VWF: variants seen among roughly 807,000 people sequenced by gnomAD.
The protein encoded by VWF is Factor VIII related antigen.
In VWF, 176 loss-of-function variants were observed where a neutral mutation model predicts 308.6. That is an observed-to-expected ratio of 0.57 (90% confidence interval 0.50 to 0.65). VWF has a LOEUF of 0.65. Among genes scored for constraint, VWF ranks in the 30% least tolerant of loss-of-function variants. The pLI, the probability that VWF is intolerant of heterozygous loss-of-function variation, is 0.00. For missense variants in VWF, 3,146 were observed against 3,648.2 expected (o/e 0.86, Z 3.55); for synonymous variants, 1,385 against 1,443.4 (o/e 0.96, Z 0.92).
intron 6 of VWF, among the ~76,000 whole-genome samples, chr12:6,087,484 G>A (rs1395942268): frequency 5.6e-5 from 8 of 143,312 alleles, no homozygotes; most frequent in African/African-American, 1.3e-4. Context: ...TCAGCCTCCC[G>A]AGTAGCTGGG....
Position 5,964,250 on chromosome 12 carries a change from G to GCATGCATA in VWF, c.7887+3235_7887+3236insTATGCATG, listed in dbSNP as rs1343427840. ...TACATACATACATACATACATACAT[G>GCATGCATA]CATACATACATACATACATACATGC... is the stretch of plus-strand genomic sequence containing the variant. On this transcript the variant is annotated intron_variant, in intron 47 of 51. Coordinates refer to ENST00000261405, the MANE Select transcript of VWF (RefSeq NM_000552.5). Among the ~76,000 whole-genome samples, 175 of 122,406 alleles carry GCATGCATA rather than the reference G, an allele frequency of 1.4e-3. 2 individuals carry two copies. Among genetic ancestry groups the GCATGCATA allele is most frequent in the African/African-American group, 6.2e-3 (169 of 27,406 alleles). 80.3% of individuals were successfully genotyped at this position (122,406 alleles called of 152,430 possible). A position where few individuals can be genotyped will look rare whatever the true frequency, so the allele number is the denominator to read the frequency against.
In VWF at chr12:6,117,141, A is replaced by G. The variant is rs74337548; in HGVS notation, c.220+4033T>C. On this transcript the variant is annotated intron_variant, in intron 3 of 51. Transcript: ENST00000261405. The stretch of plus-strand genomic sequence containing the variant: ...GGTGAAAATGAAATCAATTTACATT[A>G]AAGTGTGTTTGATCCATAACCTTGT... Among the ~76,000 whole-genome samples the G allele has an allele frequency of 4.2e-3, 638 of 152,348 alleles. 5 individuals carry two copies. The highest frequency in any genetic ancestry group is 0.015 in the African/African-American group (625 of 41,596).
chr12:6,051,039 C>CTACGGTTAA (rs75336349), intron 16 of VWF, among the ~76,000 whole-genome samples: 81,421 of 151,442 alleles, frequency 0.54, 22,462 homozygotes, highest in East Asian at 0.7. Context: ...AATAATGGTA[C>CTACGGTTAA]CTTTACTTTT....
intron 5 of VWF, among the ~76,000 whole-genome samples, chr12:6,100,155 C>T (rs1352961510): frequency 6.6e-6 from 1 of 152,052 alleles, no homozygotes; most frequent in African/African-American, 2.4e-5. Flanking sequence ...CTCATCATCA[C>T]TGGCCATCAG....
chr12:6,003,822 T>TC (rs1302634990), intron 34 of VWF, among the ~76,000 whole-genome samples: 2 of 148,104 alleles, frequency 1.4e-5, no homozygotes, highest in Middle Eastern at 3.2e-3. Context: ...CTCTTTTTTT[T>TC]TTTTTTTTTT....
At chr12:5,956,308 G>C (rs1375194274) in intron 47 of VWF, among the ~76,000 whole-genome samples, 2 of 152,108 alleles carry the variant, frequency 1.3e-5, no homozygotes, top group Non-Finnish European at 1.5e-5. Flanking sequence ...AAACAGCCTC[G>C]GGTAGGTCCT....
At chr12:6,076,281 G>C (rs1944843574) in intron 6 of VWF, among the ~76,000 whole-genome samples, 1 of 152,138 alleles carries the variant, frequency 6.6e-6, no homozygotes, top group South Asian at 2.1e-4. Flanking sequence ...TCACTCACGA[G>C]TATCAACGAC....
rs202132224 is a variant in VWF at position 6,013,663 on chromosome 12, A to G, written c.5456-18T>C. The G allele has an allele frequency of 6.2e-7, 1 of 1,612,386 alleles. No homozygotes were observed. The highest frequency in any genetic ancestry group is 1.7e-5 in the Admixed American group (1 of 60,022). ...TGTCACTCCTAGAGTTAGCAAAGAG[A>G]CAAGAAAGGATCTGTGGGCAAGAAG... On this transcript the variant is annotated intron_variant, in intron 31 of 51. Coordinates refer to ENST00000261405, the MANE Select transcript of VWF (RefSeq NM_000552.5).
At chr12:5,958,943 C>T (rs533419632) in intron 47 of VWF, among the ~76,000 whole-genome samples, 6 of 151,884 alleles carry the variant, frequency 4.0e-5, no homozygotes, top group African/African-American at 7.2e-5. Flanking sequence ...TGGCTGGGTG[C>T]GGTGGCTCAC....
chr12:6,068,948 C>T (rs1395569148), intron 10 of VWF, among the ~76,000 whole-genome samples: 1 of 150,902 alleles, frequency 6.6e-6, no homozygotes, highest in East Asian at 2.0e-4. Context: ...CCTTAATCTC[C>T]CAGGCTCAAG....
At chr12:6,102,155 C>G (rs541494057) in intron 5 of VWF, among the ~76,000 whole-genome samples, 82 of 152,246 alleles carry the variant, frequency 5.4e-4, no homozygotes, top group South Asian at 1.2e-3. Flanking sequence ...AAAACCATTA[C>G]AGTCAGCTGG....
Position 6,018,874 on chromosome 12 carries a change from T to C in VWF, c.4544A>G (p.Asn1515Ser), listed in dbSNP as rs1252153468. Reference sequence around the variant, plus strand: ...CTCCTCCATGAACTCCTTGCTCCTGTTGAAGTCGGCTTCACCAATTTTGTC... The same window carrying C: ...CTCCTCCATGAACTCCTTGCTCCTGCTGAAGTCGGCTTCACCAATTTTGTC... Reference protein sequence around the residue: ...GSDKIGEADFNRSKEFMEEVI... With the variant: ...GSDKIGEADFSRSKEFMEEVI... The change falls in exon 28 of 52, where the codon AAC becomes AGC. Residue 1515 changes from asparagine (N) to serine (S), a missense_variant. This residue lies in a region of VWF where 853 missense variants were observed against 1,177.8 expected (regional missense o/e 0.72). Transcript: ENST00000261405. 5 of 1,613,850 alleles carry C rather than the reference T, an allele frequency of 3.1e-6. No homozygotes were observed. Among genetic ancestry groups the C allele is most frequent in the Admixed American group, 3.3e-5 (2 of 60,004 alleles).
rs755717764 is a variant in VWF, at chr12:5,990,868, T to TAAAAAA, written c.6798+945_6798+950dup. Reference sequence around the variant, plus strand: ...ATACACTCAATAACTCCCATAGAGCTAAAAAAAAAAAAAAAAAAAAAAAAA... The same window carrying TAAAAAA: ...ATACACTCAATAACTCCCATAGAGCTAAAAAAAAAAAAAAAAAAAAAAAAAAAAAAA... On this transcript the variant is annotated intron_variant, in intron 38 of 51. Coordinates refer to ENST00000261405, the MANE Select transcript of VWF (RefSeq NM_000552.5). Among the ~76,000 whole-genome samples the TAAAAAA allele has an allele frequency of 3.8e-3, 120 of 31,394 alleles. 7 individuals carry two copies. The highest frequency in any genetic ancestry group is 4.8e-3 in the Non-Finnish European group (91 of 18,956). The allele number at this position is 31,394 out of a possible 152,430, so 20.6% of individuals were successfully genotyped here. A position where few individuals can be genotyped will look rare whatever the true frequency, so the allele number is the denominator to read the frequency against.
At chr12:6,099,242 C>T (rs1193983733) in intron 5 of VWF, among the ~76,000 whole-genome samples, 2 of 148,988 alleles carry the variant, frequency 1.3e-5, no homozygotes, top group Non-Finnish European at 3.0e-5. Flanking sequence ...ACCACTTGAA[C>T]TGGGCAGAGG....
intron 16 of VWF, among the ~76,000 whole-genome samples, chr12:6,047,604 C>T (rs1010996541): frequency 6.6e-6 from 1 of 152,214 alleles, no homozygotes; most frequent in Admixed American, 6.5e-5. Flanking sequence ...ACACTATGAC[C>T]TCTTGCCTGG....
chr12:6,064,223 T>G (rs747496604), intron 12 of VWF, 23 bp downstream of exon 12: 1 of 1,614,036 alleles, frequency 6.2e-7, no homozygotes, highest in Non-Finnish European at 8.5e-7. Context: ...GCCCCAGGCC[T>G]GATGGAGCAG....
intron 47 of VWF, among the ~76,000 whole-genome samples, chr12:5,958,031 T>A (rs1013006154): frequency 1.3e-5 from 2 of 152,006 alleles, no homozygotes; most frequent in Non-Finnish European, 2.9e-5. Flanking sequence ...TGTACTGTGA[T>A]AAGTCTAGAG....
intron 3 of VWF, among the ~76,000 whole-genome samples, chr12:6,119,737 G>A (rs547185143): frequency 6.6e-6 from 1 of 152,314 alleles, no homozygotes; most frequent in East Asian, 1.9e-4. Flanking sequence ...AGCTACTTGG[G>A]AGGCTGAGGC....
rs141063482 is a variant in VWF, at chr12:5,970,818, C to T, written c.7548+781G>A. 8.5e-5 allele frequency among the ~76,000 whole-genome samples: 13 copies of T among 152,340 alleles called. No individual in the cohort carries two copies. The East Asian group carries it at 2.1e-3, about 25-fold the overall frequency. ...AGGCAAGGCCCATATGGGCAGTTCA[C>T]CTGTTCCCAGCACCAGCTCCCAAGG... On this transcript the variant is annotated intron_variant, in intron 44 of 51. Coordinates refer to ENST00000261405, the MANE Select transcript of VWF (RefSeq NM_000552.5).
Sources: allele counts gnomAD v4.1 joint callset (sites outside exome capture counted in the v4.1 genomes callset), GRCh38; gene constraint gnomAD v4.1.1; regional missense constraint gnomAD v4.1.1; transcripts MANE v1.5; gene names NCBI Gene and HGNC (gene_info 2026-07-23, HGNC 2026-07-21).